SH3RF3: variants seen among roughly 807,000 people sequenced by gnomAD.
The protein encoded by SH3RF3 is E3 ubiquitin-protein ligase SH3RF3.
A neutral mutation model predicts 66.3 loss-of-function variants in SH3RF3; 29 were observed. That is an observed-to-expected ratio of 0.44 (90% CI 0.33 to 0.60). The LOEUF is 0.60. SH3RF3 is among the 20% of genes least tolerant of loss of function. SH3RF3 has a pLI of 0.04. For missense variants in SH3RF3, 1,194 were observed against 1,190.9 expected (o/e 1.00, Z -0.04); for synonymous variants, 583 against 532.0 (o/e 1.10, Z -1.32).
intron 9 of SH3RF3, among the ~76,000 whole-genome samples, chr2:109,495,963 G>T (rs1358461080): frequency 2.0e-5 from 3 of 152,152 alleles, no homozygotes; most frequent in Non-Finnish European, 4.4e-5. Flanking sequence ...GTTCCTGGTG[G>T]GTTCGTGGTC....
chr2:109,492,772 A>T (rs1010713930), intron 9 of SH3RF3, among the ~76,000 whole-genome samples: 5 of 152,100 alleles, frequency 3.3e-5, no homozygotes, highest in African/African-American at 4.8e-5. Flanking sequence ...GTGCGCAGTC[A>T]GCAGCACCCC....
At position 109,129,946 on chromosome 2, in the gene SH3RF3, C is replaced by T. The variant is rs974527688; in HGVS notation, c.406C>T (p.Pro136Ser). 3 of 1,470,024 alleles carry T rather than the reference C, an allele frequency of 2.0e-6. No individual in the cohort carries two copies. The highest frequency in any genetic ancestry group is 2.7e-6 in the Non-Finnish European group (3 of 1,117,758). The allele number at this position is 1,470,024 out of a possible 1,614,324, so 91.1% of individuals were successfully genotyped here. Residue 136 changes from proline (P) to serine (S), a missense_variant, in exon 1 of 10, where the codon CCC (proline) becomes TCC (serine). Pro to Ser is a moderately conservative substitution (Grantham distance 74, BLOSUM62 -1). Coordinates refer to ENST00000309415, the MANE Select transcript of SH3RF3 (RefSeq NM_001099289.3). ...GGGCACCAGCCCCGGCGGCAGCCCG[C>T]CCGCGCGTCCCATCCCAGGCCAGAG... is the stretch of plus-strand genomic sequence containing the variant. ...RAGTSPGGSP[P>S]ARPIPGQSAA...
chr2:109,303,361 G>T (rs1681516734), intron 1 of SH3RF3, among the ~76,000 whole-genome samples: 3 of 152,196 alleles, frequency 2.0e-5, no homozygotes, highest in African/African-American at 7.2e-5. Flanking sequence ...GTTGAATGAA[G>T]GTGGGCACTC....
intron 2 of SH3RF3, among the ~76,000 whole-genome samples, chr2:109,362,541 T>C (rs1683068871): frequency 6.6e-6 from 1 of 152,164 alleles, no homozygotes; most frequent in South Asian, 2.1e-4. Context: ...TAATCTGCTG[T>C]TGTTGGTTGA....
chr2:109,368,029 CTG>C (rs1683183507), intron 2 of SH3RF3, among the ~76,000 whole-genome samples: 3 of 152,342 alleles, frequency 2.0e-5, no homozygotes, highest in South Asian at 2.1e-4. Context: ...CTGTTTAAAA[CTG>C]TGTTTGTTTG....
chr2:109,152,531 G>T (rs1057310458), intron 1 of SH3RF3, among the ~76,000 whole-genome samples: 2 of 152,232 alleles, frequency 1.3e-5, no homozygotes, highest in Admixed American at 1.3e-4. Context: ...AAACAACGAA[G>T]TGTTTGAAAG....
intron 1 of SH3RF3, among the ~76,000 whole-genome samples, chr2:109,212,578 A>G (rs1383924031): frequency 6.6e-6 from 1 of 152,216 alleles, no homozygotes; most frequent in Non-Finnish European, 1.5e-5. Context: ...CTTGAGGAGA[A>G]GTCGGCTGAC....
At chr2:109,329,307 A>G (rs1682230045) in intron 1 of SH3RF3, among the ~76,000 whole-genome samples, 1 of 152,218 alleles carries the variant, frequency 6.6e-6, no homozygotes. Context: ...AGATGTGGAA[A>G]AAAACACAAC....
chr2:109,318,336 C>T (rs748889460), intron 1 of SH3RF3, among the ~76,000 whole-genome samples: 14 of 152,016 alleles, frequency 9.2e-5, no homozygotes, highest in Non-Finnish European at 1.3e-4. Flanking sequence ...GCCCCCAGCC[C>T]GGTCCCCAGT....
intron 1 of SH3RF3, among the ~76,000 whole-genome samples, chr2:109,139,868 G>A (rs1274912125): frequency 6.6e-6 from 1 of 152,218 alleles, no homozygotes; most frequent in Non-Finnish European, 1.5e-5. Context: ...ATCTGGAGTC[G>A]TGTGGACAGG....
chr2:109,323,339 A>G (rs928403244), intron 1 of SH3RF3, among the ~76,000 whole-genome samples: 2 of 152,214 alleles, frequency 1.3e-5, no homozygotes, highest in African/African-American at 2.4e-5. Flanking sequence ...ACTGAAGAAG[A>G]TACCTGTATG....
chr2:109,357,442 A>G (rs72824711), intron 2 of SH3RF3, among the ~76,000 whole-genome samples: 42,630 of 152,142 alleles, frequency 0.28, 6,913 homozygotes, highest in Non-Finnish European at 0.37. Context: ...CGGCCTCCCA[A>G]AGTGCTGGGA....
intron 3 of SH3RF3, among the ~76,000 whole-genome samples, chr2:109,391,318 C>T (rs944482695): frequency 1.2e-4 from 19 of 152,174 alleles, no homozygotes; most frequent in African/African-American, 2.9e-4. Context: ...CATTACAGGA[C>T]GGGGACCAGG....
At chr2:109,432,710 C>A in intron 6 of SH3RF3, 39 bp downstream of exon 6, 1 of 1,589,426 alleles carries the variant, frequency 6.3e-7, no homozygotes, top group Non-Finnish European at 8.6e-7. Context: ...AAGGAGAGGG[C>A]AAGGGCCTGC....
At chr2:109,305,843 G>C (rs925519193) in intron 1 of SH3RF3, among the ~76,000 whole-genome samples, 3 of 152,218 alleles carry the variant, frequency 2.0e-5, no homozygotes, top group Admixed American at 2.0e-4. Flanking sequence ...AGAAAGAGCA[G>C]GTGACAGAGA....
At chr2:109,204,677 C>T (rs1165006671) in intron 1 of SH3RF3, among the ~76,000 whole-genome samples, 6 of 152,148 alleles carry the variant, frequency 3.9e-5, no homozygotes, top group Non-Finnish European at 1.5e-5. Context: ...GCAGGATGCC[C>T]CATTGGAGAA....
At chr2:109,177,086 A>G (rs1677933581) in intron 1 of SH3RF3, among the ~76,000 whole-genome samples, 1 of 152,192 alleles carries the variant, frequency 6.6e-6, no homozygotes, top group Non-Finnish European at 1.5e-5. Context: ...GTCTGAGACA[A>G]TAAGCTCTGT....
chr2:109,432,426 C>T (rs1573246939), intron 5 of SH3RF3, 75 bp from the exon 6 acceptor site: 1 of 1,562,626 alleles, frequency 6.4e-7, no homozygotes, highest in Non-Finnish European at 8.7e-7. Context: ...AAGACAACCT[C>T]CCCCCAGGAA....
chr2:109,316,079 T>C (rs1681873293), intron 1 of SH3RF3, among the ~76,000 whole-genome samples: 1 of 152,220 alleles, frequency 6.6e-6, no homozygotes, highest in Admixed American at 6.5e-5. Context: ...GAAAAGTGCA[T>C]TTCCAGTATG....
Sources: gnomAD v4.1 joint callset for allele counts (sites outside exome capture counted in the v4.1 genomes callset) on GRCh38, gnomAD v4.1.1 for gene constraint, MANE v1.5 for transcripts, NCBI Gene and HGNC (gene_info 2026-07-23, HGNC 2026-07-21) for gene names.